The following ATP8A2 variants were observed in gnomAD, a reference collection of about 807,000 sequenced individuals.
ATP8A2 encodes ATPase phospholipid transporting 8A2.
A neutral mutation model predicts 165.6 loss-of-function variants in ATP8A2; 100 were observed. The ratio of observed to expected loss-of-function variants is 0.60; its 90% confidence interval spans 0.51 to 0.71. The LOEUF (loss-of-function observed/expected upper bound fraction) is 0.71. ATP8A2 is among the 30% of genes least tolerant of loss of function. The pLI, the probability that ATP8A2 is intolerant of heterozygous loss-of-function variation, is 0.00. For synonymous variants in ATP8A2, 543 were observed against 548.8 expected (o/e 0.99, Z 0.15); for missense variants, 1,227 against 1,479.5 (o/e 0.83, Z 2.80).
At chr13:25,793,763 T>C (rs919793013) in intron 27 of ATP8A2, among the ~76,000 whole-genome samples, 12 of 152,200 alleles carry the variant, frequency 7.9e-5, no homozygotes, top group Non-Finnish European at 7.3e-5. Context: ...CTATCTAATA[T>C]GTCACGGTGA....
At chr13:25,843,356 C>T (rs1951788760) in intron 30 of ATP8A2, among the ~76,000 whole-genome samples, 1 of 152,154 alleles carries the variant, frequency 6.6e-6, no homozygotes. Flanking sequence ...AAAACAGTAA[C>T]CTCCTACTGT....
At chr13:25,821,029 A>ATTTT (rs1951167330) in intron 27 of ATP8A2, among the ~76,000 whole-genome samples, 1 of 152,144 alleles carries the variant, frequency 6.6e-6, no homozygotes, top group Non-Finnish European at 1.5e-5. Flanking sequence ...ATTTGAATGC[A>ATTTT]GATTGAAATT....
rs2038939541 is a variant in ATP8A2, at chr13:25,555,010, T to C, written c.1205T>C (p.Ile402Thr). Residue 402 changes from isoleucine to threonine, a missense_variant, in exon 13 of 37, where the codon ATA (isoleucine) becomes ACA (threonine). By Grantham distance (89) the Ile-to-Thr change is moderately conservative (BLOSUM62 -1). Around this residue, in one of 5 missense-constraint regions of ATP8A2, gnomAD observed 592 missense variants for 785.6 expected, o/e 0.75. Coordinates refer to ENST00000381655, the MANE Select transcript of ATP8A2 (RefSeq NM_016529.6). The stretch of plus-strand genomic sequence containing the variant: ...TCTCAGGACACAGATATGTATTATA[T>C]AGGAAATGACACTCCTGCCATGGCC... ...FINWDTDMYYIGNDTPAMART... is the reference protein window; with the variant it reads ...FINWDTDMYYTGNDTPAMART... 6.2e-7 allele frequency: 1 copy of C among 1,610,336 alleles called. No individual in the cohort carries two copies.
At chr13:25,717,677 A>G (rs1253281495) in intron 25 of ATP8A2, among the ~76,000 whole-genome samples, 1 of 152,232 alleles carries the variant, frequency 6.6e-6, no homozygotes, top group Non-Finnish European at 1.5e-5. Flanking sequence ...GAAGGGAAAA[A>G]ATAGACCAAA....
intron 27 of ATP8A2, among the ~76,000 whole-genome samples, chr13:25,820,712 A>G (rs77999054): frequency 0.025 from 3,870 of 152,276 alleles, 64 homozygotes; most frequent in South Asian, 0.071. Context: ...TGATTTTATA[A>G]TGTGTCAGAG....
At chr13:25,775,218 C>T (rs1180427730) in intron 27 of ATP8A2, among the ~76,000 whole-genome samples, 1 of 152,188 alleles carries the variant, frequency 6.6e-6, no homozygotes, top group African/African-American at 2.4e-5. Flanking sequence ...TAGCTCTCCT[C>T]CTGTGTTCCT....
chr13:25,813,972 T>A (rs1345893444), intron 27 of ATP8A2, among the ~76,000 whole-genome samples: 1 of 152,166 alleles, frequency 6.6e-6, no homozygotes, highest in Non-Finnish European at 1.5e-5. Context: ...AGACTGGAAC[T>A]GAAACATCAG....
chr13:25,422,087 T>C (rs768643291), intron 1 of ATP8A2, among the ~76,000 whole-genome samples: 14 of 152,178 alleles, frequency 9.2e-5, no homozygotes, highest in Non-Finnish European at 1.3e-4. Flanking sequence ...TGAGCTCTGG[T>C]TTTCAGAAAA....
At chr13:25,441,798 C>A (rs774443224) in intron 1 of ATP8A2, among the ~76,000 whole-genome samples, 1 of 152,128 alleles carries the variant, frequency 6.6e-6, no homozygotes, top group Non-Finnish European at 1.5e-5. Flanking sequence ...GTATACAGTT[C>A]AGTGGGCTGA....
intron 29 of ATP8A2, 88 bp from the exon 30 acceptor site, chr13:25,839,458 A>C: frequency 1.1e-6 from 1 of 894,588 alleles, no homozygotes; most frequent in African/African-American, 1.6e-5. Context: ...CACGGCCAGG[A>C]TCCTTCACAA....
chr13:25,706,945 C>G (rs1348924808), intron 25 of ATP8A2, among the ~76,000 whole-genome samples: 2 of 151,976 alleles, frequency 1.3e-5, no homozygotes, highest in Non-Finnish European at 2.9e-5. Context: ...TTCTAAATGG[C>G]TTCATTGTTA....
intron 35 of ATP8A2, among the ~76,000 whole-genome samples, chr13:25,998,068 A>G (rs1956551848): frequency 6.6e-6 from 1 of 152,156 alleles, no homozygotes; most frequent in Non-Finnish European, 1.5e-5. Flanking sequence ...TGCCGGGTAG[A>G]GGTAATCCAG....
chr13:25,972,506 G>A (rs951194112), intron 35 of ATP8A2, among the ~76,000 whole-genome samples: 6 of 152,156 alleles, frequency 3.9e-5, no homozygotes, highest in Admixed American at 1.3e-4. Context: ...TGTTTTTCAC[G>A]ATGTGGTGTT....
At chr13:25,842,186 A>G (rs1397282312) in intron 30 of ATP8A2, among the ~76,000 whole-genome samples, 1 of 152,208 alleles carries the variant, frequency 6.6e-6, no homozygotes, top group African/African-American at 2.4e-5. Flanking sequence ...GATGCCTTTC[A>G]TTTGGAGTTA....
chr13:25,927,212 C>T, intron 33 of ATP8A2: 1 of 456,776 alleles, frequency 2.2e-6, no homozygotes, highest in Non-Finnish European at 4.4e-6. Context: ...CCCACTCCTC[C>T]TCGGCTGCTC....
intron 8 of ATP8A2, among the ~76,000 whole-genome samples, chr13:25,541,010 T>A (rs1359968427): frequency 1.3e-5 from 2 of 151,898 alleles, no homozygotes; most frequent in South Asian, 4.2e-4. Flanking sequence ...TACAGGTGCA[T>A]GCTACTACAC....
At chr13:25,486,502 G>T (rs2036357273) in intron 2 of ATP8A2, among the ~76,000 whole-genome samples, 1 of 152,158 alleles carries the variant, frequency 6.6e-6, no homozygotes, top group South Asian at 2.1e-4. Flanking sequence ...TAAGGGACAT[G>T]ATGAATTTTG....
In ATP8A2 at chr13:25,564,014, A is replaced by G; in HGVS notation, c.1456A>G (p.Asn486Asp). Residue 486 changes from asparagine (N) to aspartate (D), a missense_variant, in exon 16 of 37, where the codon AAC (asparagine) becomes GAC (aspartate). Physicochemically the swap from Asn to Asp is conservative, Grantham distance 23. Transcript: ENST00000381655. ...CDFDDPRLLK[N>D]IEDRHPTAPC... Reference sequence around the variant, plus strand: ...CTTTGATGACCCCAGGCTGTTGAAGAACATTGAGGATCGCCATGTAAGTGC... The same window carrying G: ...CTTTGATGACCCCAGGCTGTTGAAGGACATTGAGGATCGCCATGTAAGTGC... 1 of 1,612,914 alleles carries G rather than the reference A, an allele frequency of 6.2e-7. No individual in the cohort carries two copies. The highest frequency in any genetic ancestry group is 8.5e-7 in the Non-Finnish European group (1 of 1,178,912).
rs538319334 is a variant in ATP8A2 at position 25,960,415 on chromosome 13, T to C, written c.3184-1160T>C. Among the ~76,000 whole-genome samples, 9 of 152,284 alleles carry C rather than the reference T, an allele frequency of 5.9e-5. No homozygotes were observed. The East Asian group carries it at 1.5e-3, about 26-fold the overall frequency. On this transcript the variant is annotated intron_variant, in intron 33 of 36. Coordinates refer to ENST00000381655, the MANE Select transcript of ATP8A2 (RefSeq NM_016529.6). Reference sequence around the variant, plus strand: ...CTGTGGGGGTCCCACAGGTGGTTAATTGTGCCTCAGGCCCTCTGCTCTCCC... The same window carrying C: ...CTGTGGGGGTCCCACAGGTGGTTAACTGTGCCTCAGGCCCTCTGCTCTCCC...
Sources: gnomAD v4.1 joint callset for allele counts (sites outside exome capture counted in the v4.1 genomes callset) on GRCh38, gnomAD v4.1.1 for gene constraint, gnomAD v4.1.1 regional missense constraint, MANE v1.5 for transcripts, NCBI Gene and HGNC (gene_info 2026-07-23, HGNC 2026-07-21) for gene names.